The following EYA1 variants were observed in gnomAD, a reference collection of about 807,000 sequenced individuals.
The protein encoded by EYA1 is EYA transcriptional coactivator and phosphatase 1.
Under a neutral mutation model 82.0 loss-of-function variants are expected in EYA1, and 16 were observed. The ratio of observed to expected loss-of-function variants is 0.20; its 90% CI spans 0.13 to 0.30. EYA1 has a LOEUF of 0.30. Ranked by LOEUF, EYA1 falls within the 10% of genes least tolerant of loss-of-function variation. EYA1 has a pLI of 1.00. For synonymous variants in EYA1, 261 were observed against 264.4 expected (o/e 0.99, Z 0.12); for missense variants, 633 against 730.7 (o/e 0.87, Z 1.54).
At chr8:71,493,589 T>C (rs1811175979) in intron 2 of EYA1, among the ~76,000 whole-genome samples, 2 of 152,168 alleles carry the variant, frequency 1.3e-5, no homozygotes, top group South Asian at 2.1e-4. Flanking sequence ...CAATACCACC[T>C]GTAAAAATCA....
chr8:71,473,053 C>A (rs1457957516), intron 2 of EYA1, among the ~76,000 whole-genome samples: 32 of 151,774 alleles, frequency 2.1e-4, no homozygotes, highest in Admixed American at 2.0e-3. Flanking sequence ...ATGTCCAACT[C>A]TAGCATGGTA....
At chr8:71,370,786 ATT>A (rs201310816) in intron 2 of EYA1, among the ~76,000 whole-genome samples, 2 of 143,634 alleles carry the variant, frequency 1.4e-5, no homozygotes, top group East Asian at 4.1e-4. Flanking sequence ...ATGCCTAGCT[ATT>A]TTTTTTTTTT....
intron 2 of EYA1, among the ~76,000 whole-genome samples, chr8:71,400,534 A>G (rs115607768): frequency 0.22 from 32,554 of 151,156 alleles, 4,044 homozygotes; most frequent in Middle Eastern, 0.32. Context: ...AGACATGAAA[A>G]AAGCACAACA....
At chr8:71,251,474 G>A (rs1813739537) in intron 11 of EYA1, among the ~76,000 whole-genome samples, 1 of 152,156 alleles carries the variant, frequency 6.6e-6, no homozygotes, top group Non-Finnish European at 1.5e-5. Flanking sequence ...ATTTGGATAT[G>A]ATATTAAATT....
intron 2 of EYA1, among the ~76,000 whole-genome samples, chr8:71,392,712 C>T (rs1829349332): frequency 6.6e-6 from 1 of 152,082 alleles, no homozygotes; most frequent in Non-Finnish European, 1.5e-5. Flanking sequence ...TTTGTTCATA[C>T]TTGCCAGAAA....
At chr8:71,397,951 C>T (rs1219506650) in intron 2 of EYA1, among the ~76,000 whole-genome samples, 1 of 152,170 alleles carries the variant, frequency 6.6e-6, no homozygotes, top group Admixed American at 6.5e-5. Context: ...TTGGTGTTTT[C>T]ACATAGTTCC....
At chr8:71,505,638 TG>T (rs1812140368) in intron 2 of EYA1, among the ~76,000 whole-genome samples, 1 of 152,170 alleles carries the variant, frequency 6.6e-6, no homozygotes, top group Non-Finnish European at 1.5e-5. Context: ...ACAATTTTTT[TG>T]TGGGTGTGGC....
At position 71,277,818 on chromosome 8, in the gene EYA1, A is replaced by T. The variant is rs372433601; in HGVS notation, c.827-5921T>A. On this transcript the variant is annotated intron_variant, in intron 9 of 17. Coordinates refer to ENST00000340726, the MANE Select transcript of EYA1 (RefSeq NM_000503.6). ...CAGTCTAGTATTTATTAAAGCTATAAAGGTTAATTATTTCTACAAGACAGC... is the reference window on the plus strand; with the variant it reads ...CAGTCTAGTATTTATTAAAGCTATATAGGTTAATTATTTCTACAAGACAGC... Among the ~76,000 whole-genome samples, 18 of 152,318 alleles carry T rather than the reference A, an allele frequency of 1.2e-4. No homozygotes were observed. The South Asian group carries it at 3.7e-3, about 32-fold the overall frequency.
intron 6 of EYA1, 144 bp downstream of exon 6, chr8:71,321,590 A>G: frequency 9.1e-7 from 1 of 1,094,790 alleles, no homozygotes; most frequent in South Asian, 1.7e-5. Context: ...TGCTCTTTAG[A>G]AACAATCATA....
At chr8:71,416,698 T>A (rs1042804081) in intron 2 of EYA1, among the ~76,000 whole-genome samples, 2 of 152,160 alleles carry the variant, frequency 1.3e-5, no homozygotes, top group Admixed American at 6.5e-5. Flanking sequence ...AGCCTCAGCA[T>A]CATCTCAGAG....
At chr8:71,458,462 C>G (rs1461433480) in intron 2 of EYA1, among the ~76,000 whole-genome samples, 1 of 151,144 alleles carries the variant, frequency 6.6e-6, no homozygotes, top group African/African-American at 2.4e-5. Flanking sequence ...CTCACATGGC[C>G]AGGGAATGCT....
At chr8:71,453,079 C>T (rs1209954054) in intron 2 of EYA1, among the ~76,000 whole-genome samples, 2 of 152,116 alleles carry the variant, frequency 1.3e-5, no homozygotes, top group Admixed American at 6.5e-5. Context: ...CCTTAAATGG[C>T]CTGATGGAGC....
chr8:71,324,740 C>G (rs1394968163), intron 4 of EYA1, among the ~76,000 whole-genome samples: 1 of 152,204 alleles, frequency 6.6e-6, no homozygotes, highest in Non-Finnish European at 1.5e-5. Context: ...CTTCCGACCC[C>G]CTGCGTGGAA....
intron 2 of EYA1, among the ~76,000 whole-genome samples, chr8:71,430,773 T>A (rs1473381008): frequency 1.3e-5 from 2 of 152,078 alleles, no homozygotes; most frequent in Non-Finnish European, 2.9e-5. Flanking sequence ...AAGAATGAAG[T>A]TGCTTTATGG....
intron 2 of EYA1, among the ~76,000 whole-genome samples, chr8:71,494,501 C>T (rs1347214428): frequency 6.6e-6 from 1 of 152,120 alleles, no homozygotes; most frequent in African/African-American, 2.4e-5. Flanking sequence ...ACTCTTATGG[C>T]CTCAGCAATG....
At chr8:71,221,977 G>A (rs1434425840) in intron 12 of EYA1, among the ~76,000 whole-genome samples, 2 of 152,212 alleles carry the variant, frequency 1.3e-5, no homozygotes, top group Non-Finnish European at 2.9e-5. Flanking sequence ...AGATGCATGG[G>A]AACGGGGCGA....
intron 2 of EYA1, among the ~76,000 whole-genome samples, chr8:71,401,685 G>A (rs1829966447): frequency 6.6e-6 from 1 of 152,176 alleles, no homozygotes; most frequent in African/African-American, 2.4e-5. Context: ...AATAATAATA[G>A]TACAGAATTT....
chr8:71,211,880 C>A (rs1234593423), intron 16 of EYA1, among the ~76,000 whole-genome samples: 2 of 152,148 alleles, frequency 1.3e-5, no homozygotes, highest in African/African-American at 2.4e-5. Context: ...GGTAGTGCAG[C>A]AAGATGGTAC....
intron 2 of EYA1, among the ~76,000 whole-genome samples, chr8:71,391,502 G>A (rs1829280654): frequency 6.6e-6 from 1 of 152,104 alleles, no homozygotes; most frequent in Non-Finnish European, 1.5e-5. Context: ...TTCTTTGTAT[G>A]GTGAGTAATT....
Sources: allele counts gnomAD v4.1 joint callset (sites outside exome capture counted in the v4.1 genomes callset), GRCh38; gene constraint gnomAD v4.1.1; transcripts MANE v1.5; gene names NCBI Gene and HGNC (gene_info 2026-07-23, HGNC 2026-07-21).